CTNNA2: variants seen among roughly 807,000 people sequenced by gnomAD.
CTNNA2 encodes the protein catenin alpha-2.
Under a neutral mutation model 101.0 loss-of-function variants are expected in CTNNA2, and 42 were observed. The ratio of observed to expected loss-of-function variants is 0.42; its 90% confidence interval spans 0.32 to 0.54. The LOEUF is 0.54. Ranked by LOEUF, CTNNA2 falls within the 20% of genes least tolerant of loss-of-function variation. The pLI is 0.14. For synonymous variants in CTNNA2, 450 were observed against 456.4 expected, an observed-to-expected ratio of 0.99 and a Z score of 0.18; for missense variants, 871 against 1,223.1, an observed-to-expected ratio of 0.71 and a Z score of 4.29.
intron 17 of CTNNA2, among the ~76,000 whole-genome samples, chr2:80,609,835 A>G (rs1698314516): frequency 6.6e-6 from 1 of 151,716 alleles, no homozygotes; most frequent in Non-Finnish European, 1.5e-5. Context: ...AATTTTTACT[A>G]GCAGAGCCGC....
Position 79,504,315 on chromosome 2 carries a change from A to G in CTNNA2, c.-134-739A>G, listed in dbSNP as rs1290988945. Among the ~76,000 whole-genome samples the G allele has an allele frequency of 2.6e-5, 4 of 152,124 alleles. No homozygotes were observed. In the East Asian group the frequency reaches 7.7e-4, roughly 29 times the overall value. On this transcript the variant is annotated intron_variant, in intron 4 of 21. Transcript: ENST00000466387. Reference sequence around the variant, plus strand: ...TTGTTTGTTTGTTTTGTTTTGACGGAATCTTGCTCTGTCACCCAGGCTGGA... The same window carrying G: ...TTGTTTGTTTGTTTTGTTTTGACGGGATCTTGCTCTGTCACCCAGGCTGGA...
At chr2:80,252,184 G>A (rs1671818063) in intron 7 of CTNNA2, among the ~76,000 whole-genome samples, 1 of 152,116 alleles carries the variant, frequency 6.6e-6, no homozygotes, top group Non-Finnish European at 1.5e-5. Context: ...GAAGGAAAAG[G>A]ATGAAGTCTT....
At chr2:80,342,207 C>G (rs934115076) in intron 7 of CTNNA2, among the ~76,000 whole-genome samples, 2 of 152,178 alleles carry the variant, frequency 1.3e-5, no homozygotes, top group African/African-American at 4.8e-5. Flanking sequence ...GGTTGCACAA[C>G]TCTGAACTCA....
chr2:80,598,120 C>T (rs1697146047), intron 15 of CTNNA2, among the ~76,000 whole-genome samples: 1 of 152,046 alleles, frequency 6.6e-6, no homozygotes, highest in Non-Finnish European at 1.5e-5. Flanking sequence ...GGAATAGTAT[C>T]CAGCCATAAA....
At chr2:79,844,879 G>C (rs1403148835) in intron 3 of CTNNA2, among the ~76,000 whole-genome samples, 1 of 151,782 alleles carries the variant, frequency 6.6e-6, no homozygotes, top group African/African-American at 2.4e-5. Flanking sequence ...ACTTAGCCAG[G>C]AGTGTGGGCT....
chr2:79,675,538 A>G (rs1683124935), intron 2 of CTNNA2, among the ~76,000 whole-genome samples: 1 of 152,236 alleles, frequency 6.6e-6, no homozygotes, highest in Non-Finnish European at 1.5e-5. Context: ...CTGATTGCTG[A>G]AACATTTGCA....
rs571795355 is a variant in CTNNA2 at position 79,223,282 on chromosome 2, A to T, written c.-406+25206A>T. ...AAAGGGTCCTCACCAAAATCCAACA[A>T]TGCTGGCACCCTCATCTCAAACTTC... is the stretch of plus-strand genomic sequence containing the variant. On this transcript the variant is annotated intron_variant, in intron 2 of 21. Transcript: ENST00000466387. Among the ~76,000 whole-genome samples the T allele has an allele frequency of 2.0e-5, 3 of 152,262 alleles. No homozygotes were observed. The South Asian group carries it at 6.2e-4, about 32-fold the overall frequency.
At chr2:80,484,398 C>A (rs1686388678) in intron 9 of CTNNA2, among the ~76,000 whole-genome samples, 1 of 152,064 alleles carries the variant, frequency 6.6e-6, no homozygotes, top group Admixed American at 6.5e-5. Context: ...CAGAATGGGA[C>A]TGAAAACAGT....
intron 2 of CTNNA2, chr2:79,293,049 A>G (rs780989235): frequency 5.9e-5 from 9 of 152,176 alleles, no homozygotes; most frequent in South Asian, 2.1e-4. Context: ...TTCTACTTCA[A>G]CTTTCCTTTG....
chr2:80,009,204 G>C (rs1693591795), intron 7 of CTNNA2, among the ~76,000 whole-genome samples: 1 of 152,130 alleles, frequency 6.6e-6, no homozygotes, highest in Non-Finnish European at 1.5e-5. Flanking sequence ...CAGTAAATCT[G>C]ATAAACAGAA....
At chr2:79,748,104 C>T (rs947158449) in intron 3 of CTNNA2, among the ~76,000 whole-genome samples, 1 of 152,218 alleles carries the variant, frequency 6.6e-6, no homozygotes, top group Non-Finnish European at 1.5e-5. Context: ...AAGCTCTTAT[C>T]TCCATTCTTT....
At chr2:79,521,316 G>A (rs2103875897) in intron 1 of CTNNA2, among the ~76,000 whole-genome samples, 1 of 151,994 alleles carries the variant, frequency 6.6e-6, no homozygotes, top group South Asian at 2.1e-4. Flanking sequence ...TCTGTGCTCA[G>A]TCTGCATGTT....
chr2:79,922,396 A>G (rs1686724789), intron 7 of CTNNA2, among the ~76,000 whole-genome samples: 1 of 152,146 alleles, frequency 6.6e-6, no homozygotes, highest in Non-Finnish European at 1.5e-5. Context: ...TTAATTTCAC[A>G]CTATTATTCC....
chr2:79,690,293 G>A (rs1684201616), intron 2 of CTNNA2, among the ~76,000 whole-genome samples: 1 of 151,942 alleles, frequency 6.6e-6, no homozygotes, highest in Admixed American at 6.6e-5. Context: ...AAGAATTATT[G>A]GAACACTGAA....
At chr2:79,644,593 C>T (rs1049285508) in intron 1 of CTNNA2, among the ~76,000 whole-genome samples, 1 of 152,172 alleles carries the variant, frequency 6.6e-6, no homozygotes, top group East Asian at 1.9e-4. Context: ...TGCTCACTAG[C>T]TGGCCCAGCT....
rs1438004867 is a variant in CTNNA2, at chr2:79,880,899, A to C, written c.852+6557A>C. Among the ~76,000 whole-genome samples the C allele has an allele frequency of 2.0e-5, 3 of 151,878 alleles. No individual in the cohort carries two copies. In the East Asian group the frequency reaches 5.8e-4, roughly 30 times the overall value. ...TTGCTCTTGCCTCTCTAGCTCTTTT[A>C]ATTGTGATGTTAGTGTGTCGACTTG... On this transcript the variant is annotated intron_variant, in intron 6 of 18. Transcript: ENST00000402739.
intron 1 of CTNNA2, among the ~76,000 whole-genome samples, chr2:79,645,280 C>T (rs1680739773): frequency 6.6e-6 from 1 of 152,146 alleles, no homozygotes. Flanking sequence ...AGCAATCGCA[C>T]CCAGCTGAGG....
chr2:79,696,509 A>C (rs1229015582), intron 2 of CTNNA2, among the ~76,000 whole-genome samples: 1 of 152,052 alleles, frequency 6.6e-6, no homozygotes, highest in Non-Finnish European at 1.5e-5. Context: ...AAGGGGCCAC[A>C]TAATGGCCCA....
At chr2:79,988,864 T>G (rs986985256) in intron 7 of CTNNA2, among the ~76,000 whole-genome samples, 4 of 152,150 alleles carry the variant, frequency 2.6e-5, no homozygotes, top group African/African-American at 9.7e-5. Context: ...GATGAGAAAA[T>G]AAAACCCTAA....
Sources: allele counts gnomAD v4.1 joint callset (sites outside exome capture counted in the v4.1 genomes callset), GRCh38; gene constraint gnomAD v4.1.1; transcripts MANE v1.5; gene names NCBI Gene and HGNC (gene_info 2026-07-23, HGNC 2026-07-21).